The following PNISR variants were observed in gnomAD, a reference collection of about 807,000 sequenced individuals.
PNISR encodes PNN interacting serine and arginine rich protein, also known as arginine/serine-rich protein PNISR.
PNISR carries 20 observed loss-of-function variants against 93.4 expected under a neutral mutation model. The observed-to-expected ratio is 0.21, with a 90% CI of 0.15 to 0.31. The LOEUF is 0.31. Among genes scored for constraint, PNISR ranks in the 10% least tolerant of loss-of-function variants. The pLI is 1.00. For synonymous variants in PNISR, 305 were observed against 306.5 expected (o/e 0.99, Z 0.05); for missense variants, 893 against 985.4 (o/e 0.91, Z 1.25).
At chr6:99,406,916 T>C (rs559708245) in intron 7 of PNISR, among the ~76,000 whole-genome samples, 10 of 152,176 alleles carry the variant, frequency 6.6e-5, no homozygotes, top group Admixed American at 5.9e-4. Flanking sequence ...GGGAAAAATA[T>C]ATGTAACACA....
intron 8 of PNISR, among the ~76,000 whole-genome samples, chr6:99,405,239 C>A (rs1776007443): frequency 6.6e-6 from 1 of 151,962 alleles, no homozygotes; most frequent in Non-Finnish European, 1.5e-5. Flanking sequence ...CCGAGGTGGG[C>A]GGATCACCTG....
Position 99,400,058 on chromosome 6 carries a change from T to TA in PNISR, c.*481dup, listed in dbSNP as rs1192231873. 1 of 153,440 alleles carries TA rather than the reference T, an allele frequency of 6.5e-6. No homozygotes were observed. The highest frequency in any genetic ancestry group is 6.5e-5 in the Admixed American group (1 of 15,268). 9.5% of individuals were successfully genotyped at this position (153,440 alleles called of 1,614,324 possible). Reference sequence around the variant, plus strand: ...CAGCTGAAAGAGAATGGCATGTTTATAGTCTTATTATGCACTATATTTTTT... The same window carrying TA: ...CAGCTGAAAGAGAATGGCATGTTTATAAGTCTTATTATGCACTATATTTTTT... On this transcript the variant is annotated 3_prime_UTR_variant, in exon 12 of 12. Transcript: ENST00000369239.
chr6:99,417,733 A>C (rs1281464842), intron 1 of PNISR, among the ~76,000 whole-genome samples: 1 of 152,136 alleles, frequency 6.6e-6, no homozygotes, highest in African/African-American at 2.4e-5. Context: ...TGGGAGGCCA[A>C]GGCAGGTGGA....
At chr6:99,411,481 A>G (rs1776904690) in intron 4 of PNISR, among the ~76,000 whole-genome samples, 1 of 152,240 alleles carries the variant, frequency 6.6e-6, no homozygotes. Flanking sequence ...GAGTCATTTA[A>G]GAACTTAAAC....
At position 99,406,236 on chromosome 6, in the gene PNISR, G is replaced by C. The variant is rs2128482237; in HGVS notation, c.865-68C>G. On this transcript the variant is annotated intron_variant, in intron 7 of 11. Transcript: ENST00000369239. ...ATGTAAAATCCTTATCTTACATACAGAAAATCTTAAACCCCAAATTAAAAA... is the reference window on the plus strand; with the variant it reads ...ATGTAAAATCCTTATCTTACATACACAAAATCTTAAACCCCAAATTAAAAA... The C allele has an allele frequency of 3.0e-6, 3 of 1,015,226 alleles. No individual in the cohort carries two copies. The South Asian group carries it at 6.2e-5, about 21-fold the overall frequency. 62.9% of individuals were successfully genotyped at this position (1,015,226 alleles called of 1,614,324 possible).
intron 1 of PNISR, among the ~76,000 whole-genome samples, chr6:99,419,261 A>C (rs1778226686): frequency 6.7e-6 from 1 of 150,364 alleles, no homozygotes; most frequent in African/African-American, 2.4e-5. Context: ...ATTCCACCGC[A>C]GGGTCCTAAA....
At chr6:99,419,499 C>CT (rs1778259871) in intron 1 of PNISR, among the ~76,000 whole-genome samples, 1 of 152,094 alleles carries the variant, frequency 6.6e-6, no homozygotes, top group African/African-American at 2.4e-5. Flanking sequence ...CAATCTGTCC[C>CT]TTTTCTACAA....
chr6:99,419,159 A>C (rs1582845195), intron 1 of PNISR, among the ~76,000 whole-genome samples: 1 of 45,946 alleles, frequency 2.2e-5, no homozygotes, highest in African/African-American at 1.3e-4. Context: ...TCTCAAAAAA[A>C]AAAAAAAAAA....
Position 99,400,384 on chromosome 6 carries a change from AAAT to A in PNISR, c.*153_*155del, listed in dbSNP as rs1775303212. ...AAATTAAAAATCTGCAATTTTAAAT[AAAT>A]AATATTATATAGGATTTCTAACATT... On this transcript the variant is annotated 3_prime_UTR_variant, in exon 12 of 12. Coordinates refer to ENST00000369239, the MANE Select transcript of PNISR (RefSeq NM_032870.4). 1.3e-5 allele frequency: 15 copies of A among 1,151,164 alleles called. No homozygotes were observed. The highest frequency in any genetic ancestry group is 4.1e-5 in the Admixed American group (1 of 24,642). 71.3% of individuals were successfully genotyped at this position (1,151,164 alleles called of 1,614,324 possible). A position where few individuals can be genotyped will look rare whatever the true frequency, so the allele number is the denominator to read the frequency against.
At position 99,409,168 on chromosome 6, in the gene PNISR, G is replaced by C. The variant is rs375454698; in HGVS notation, c.673+5C>G. 1.2e-6 allele frequency: 2 copies of C among 1,611,144 alleles called. No individual in the cohort carries two copies. The highest frequency in any genetic ancestry group is 1.3e-5 in the African/African-American group (1 of 74,844). ...GTGGTCCACTAAACTAAGTTAAATA[G>C]CTACCAATTTGTGGAGGCTCCTGCT... On this transcript the variant is annotated splice_donor_5th_base_variant and intron_variant, in intron 6 of 11. Coordinates refer to ENST00000369239, the MANE Select transcript of PNISR (RefSeq NM_032870.4).
At chr6:99,416,015 T>G (rs1317452774) in intron 2 of PNISR, 1 of 165,136 alleles carries the variant, frequency 6.1e-6, no homozygotes, top group African/African-American at 2.4e-5. Context: ...TACTTATGAG[T>G]CAAATGTACC....
intron 1 of PNISR, among the ~76,000 whole-genome samples, chr6:99,419,579 T>TTACTC (rs770314914): frequency 1.1e-3 from 170 of 152,202 alleles, no homozygotes; most frequent in Non-Finnish European, 1.6e-3. Flanking sequence ...TTATCAAAAT[T>TTACTC]TACTCTAAAT....
chr6:99,416,283 T>G (rs1777684881), intron 2 of PNISR, 66 bp downstream of exon 2: 1 of 495,000 alleles, frequency 2.0e-6, no homozygotes, highest in Admixed American at 4.4e-5. Context: ...GCTTACAACT[T>G]TAATTAAGAG....
intron 1 of PNISR, among the ~76,000 whole-genome samples, chr6:99,423,283 T>C (rs960691340): frequency 6.6e-6 from 1 of 152,014 alleles, no homozygotes; most frequent in Non-Finnish European, 1.5e-5. Context: ...GTAATAAACA[T>C]CCACAAGCCC....
rs745666923 is a variant in PNISR at position 99,400,846 on chromosome 6, G to A, written c.2112C>T (p.Phe704=). 6.2e-7 allele frequency: 1 copy of A among 1,606,056 alleles called. No homozygotes were observed. The highest frequency in any genetic ancestry group is 1.1e-5 in the South Asian group (1 of 90,070). Residue 704 remains phenylalanine (F), a synonymous_variant, in exon 12 of 12, where the codon TTC becomes TTT. Transcript: ENST00000369239. ...TTTTTAATCTATCATCCTGACTACT[G>A]AACTTAAAATCTTTTTCTTCCCTTT... is the stretch of plus-strand genomic sequence containing the variant. ...KQKREEKDFK[F]SSQDDRLKRK...
intron 8 of PNISR, among the ~76,000 whole-genome samples, chr6:99,404,921 G>A (rs1321298742): frequency 6.6e-6 from 1 of 151,892 alleles, no homozygotes; most frequent in African/African-American, 2.4e-5. Context: ...TGGAACTACA[G>A]GCGTGCACCA....
At chr6:99,413,187 G>T (rs1056300876) in intron 3 of PNISR, among the ~76,000 whole-genome samples, 2 of 151,930 alleles carry the variant, frequency 1.3e-5, no homozygotes, top group African/African-American at 4.8e-5. Flanking sequence ...CGAGCCTATA[G>T]GCCTTTGATG....
chr6:99,424,555 TAA>T (rs919618624), intron 1 of PNISR, among the ~76,000 whole-genome samples: 16 of 152,372 alleles, frequency 1.1e-4, no homozygotes, highest in Middle Eastern at 3.4e-3. Flanking sequence ...TGAGGAATTC[TAA>T]GTTTATTTTG....
intron 1 of PNISR, among the ~76,000 whole-genome samples, chr6:99,416,793 A>C (rs1288475914): frequency 6.6e-6 from 1 of 152,214 alleles, no homozygotes; most frequent in African/African-American, 2.4e-5. Flanking sequence ...AAAATGTATT[A>C]ATTTAAATTT....
Sources: allele counts gnomAD v4.1 joint callset (sites outside exome capture counted in the v4.1 genomes callset), GRCh38; gene constraint gnomAD v4.1.1; transcripts MANE v1.5; gene names NCBI Gene and HGNC (gene_info 2026-07-23, HGNC 2026-07-21).